Variants in MICAL3 observed in about 807,000 individuals in gnomAD.
MICAL3 encodes microtubule associated monooxygenase, calponin and LIM domain containing 3, also known as [F-actin]-monooxygenase MICAL3.
MICAL3 carries 62 observed loss-of-function variants against 207.4 expected under a neutral mutation model. That is an observed-to-expected ratio of 0.30 (90% CI 0.24 to 0.37). MICAL3 has a LOEUF of 0.37. MICAL3 is among the 10% of genes least tolerant of loss of function. The pLI, the probability that MICAL3 is intolerant of heterozygous loss-of-function variation, is 1.00. For synonymous variants in MICAL3, 1,077 were observed against 1,069.3 expected, an observed-to-expected ratio of 1.01 and a Z score of -0.14; for missense variants, 2,368 against 2,635.6, an observed-to-expected ratio of 0.90 and a Z score of 2.22.
At chr22:17,845,474 A>C (rs917699278) in intron 19 of MICAL3, among the ~76,000 whole-genome samples, 1 of 152,208 alleles carries the variant, frequency 6.6e-6, no homozygotes, top group Non-Finnish European at 1.5e-5. Flanking sequence ...CGACGTGTCA[A>C]GTACCATGAG....
chr22:17,818,556 C>T lies in MICAL3; in HGVS notation c.4105G>A (p.Glu1369Lys), dbSNP rs766633179. The T allele has an allele frequency of 3.2e-5, 52 of 1,613,458 alleles. No homozygotes were observed. Among genetic ancestry groups the T allele is most frequent in the Non-Finnish European group, 4.4e-5 (52 of 1,179,884 alleles). The change falls in exon 26 of 32, where the codon GAA becomes AAA. Residue 1369 changes from glutamate to lysine, a missense_variant. By Grantham distance (56) the Glu-to-Lys change is moderately conservative. Coordinates refer to ENST00000441493, the MANE Select transcript of MICAL3 (RefSeq NM_015241.3). ...AGTCCCTCATCCTGGGGGGACTTTT[C>T]AACGGAATAGGATTTGAGGGACACT... is the stretch of plus-strand genomic sequence containing the variant. Reference protein sequence around the residue: ...RPVSLKSYSVEKSPQDEGLHL... With the variant: ...RPVSLKSYSVKKSPQDEGLHL...
In MICAL3 at chr22:17,790,883, T is replaced by C; in HGVS notation, c.5858A>G (p.Glu1953Gly). The change falls in exon 32 of 32, where the codon GAG becomes GGG. Residue 1953 changes from glutamate to glycine, a missense_variant. By Grantham distance (98) the Glu-to-Gly change is moderately conservative. Transcript: ENST00000441493. ...CAGCATCTCATTGAGAATCTGCTTC[T>C]CTTCTGACAGCTCCTCCTCAGTCTT... ...HLKTEEELSE[E>G]KQILNEMLEV... is the part of the protein sequence containing the mutation. 6.2e-7 allele frequency: 1 copy of C among 1,613,894 alleles called. No homozygotes were observed. Among genetic ancestry groups the C allele is most frequent in the Non-Finnish European group, 8.5e-7 (1 of 1,179,906 alleles).
chr22:17,868,638 T>C (rs892538011), intron 17 of MICAL3, among the ~76,000 whole-genome samples: 10 of 152,060 alleles, frequency 6.6e-5, no homozygotes, highest in African/African-American at 2.2e-4. Context: ...GGTGATTCAG[T>C]CAAGTGACTG....
intron 19 of MICAL3, 33 bp downstream of exon 19, chr22:17,864,866 G>A (rs776653994): frequency 5.0e-6 from 8 of 1,613,864 alleles, no homozygotes; most frequent in African/African-American, 4.0e-5. Flanking sequence ...AGGGAGTGAC[G>A]CGCCACCCAG....
chr22:17,815,438 C>A (rs1011790118), intron 27 of MICAL3: 1 of 152,252 alleles, frequency 6.6e-6, no homozygotes, highest in Non-Finnish European at 1.5e-5. Context: ...TCTTTGCTGA[C>A]CCCCTAAAGC....
chr22:17,821,639 C>T, intron 24 of MICAL3, 130 bp from the exon 25 acceptor site: 1 of 746,384 alleles, frequency 1.3e-6, no homozygotes, highest in Non-Finnish European at 2.2e-6. Context: ...TCCCAGTTCT[C>T]CTGGAAAGCA....
At chr22:17,872,923 G>A (rs1427949083) in intron 16 of MICAL3, 1 of 1,015,716 alleles carries the variant, frequency 9.8e-7, no homozygotes, top group Non-Finnish European at 1.5e-6. Context: ...CATAAATTAA[G>A]AAGACACGGG....
intron 1 of MICAL3, among the ~76,000 whole-genome samples, chr22:17,943,622 C>G (rs2146341969): frequency 6.6e-6 from 1 of 152,380 alleles, no homozygotes; most frequent in South Asian, 2.1e-4. Flanking sequence ...ATGAATAGAT[C>G]AGGCGATGTG....
chr22:17,897,422 CAAAAAAAAAAAAAA>C (rs71754131), intron 7 of MICAL3, among the ~76,000 whole-genome samples: 1 of 41,798 alleles, frequency 2.4e-5, no homozygotes, highest in African/African-American at 8.6e-5. Flanking sequence ...GACTCCAACT[CAAAAAAAAAAAAAA>C]AAAAAAAAAG....
rs55999508 is a variant in MICAL3, at chr22:17,886,988, C to CAAAAA, written c.2067+177_2067+181dup. On this transcript the variant is annotated intron_variant, in intron 15 of 31. Coordinates refer to ENST00000441493, the MANE Select transcript of MICAL3 (RefSeq NM_015241.3). ...GGGCAATGGAGAAAGACTCTTGTCT[C>CAAAAA]AAAAAAAAAAAAAAAAAAAAAAAAA... Among the ~76,000 whole-genome samples, 14 of 41,346 alleles carry CAAAAA rather than the reference C, an allele frequency of 3.4e-4. 1 individual carries two copies. Among genetic ancestry groups the CAAAAA allele is most frequent in the South Asian group, 1.3e-3 (1 of 770 alleles). The allele number at this position is 41,346 out of a possible 152,430, so 27.1% of individuals were successfully genotyped here.
rs758555903 is a variant in MICAL3 at position 17,841,796 on chromosome 22, G to A, written c.2801+26C>T. 5.1e-4 allele frequency: 787 copies of A among 1,539,778 alleles called. 2 individuals carry two copies. The highest frequency in any genetic ancestry group is 6.3e-4 in the Non-Finnish European group (718 of 1,143,946). On this transcript the variant is annotated intron_variant, in intron 20 of 31. Transcript: ENST00000441493. This position sits in a 1 kb window ranked among gnomAD's most constrained non-coding sequence, Gnocchi z 4.2. ...GGCTCTTAGGGCCGTGTGGCGGGTG[G>A]GCGCCCTGCAGCCCTGCGTGCTGAC...
chr22:17,899,922 C>T (rs1931181307), intron 6 of MICAL3, among the ~76,000 whole-genome samples: 1 of 152,124 alleles, frequency 6.6e-6, no homozygotes, highest in African/African-American at 2.4e-5. Flanking sequence ...CTCCTAGATT[C>T]TTAAGAACAG....
intron 17 of MICAL3, among the ~76,000 whole-genome samples, chr22:17,866,487 C>T (rs187115666): frequency 2.0e-4 from 30 of 152,302 alleles, no homozygotes; most frequent in African/African-American, 6.7e-4. Flanking sequence ...CTCCCCCTCC[C>T]GCACCCTATC....
chr22:17,877,027 T>G (rs62643860), intron 16 of MICAL3, among the ~76,000 whole-genome samples: 199 of 12,210 alleles, frequency 0.016, 2 homozygotes, highest in East Asian at 0.038. Flanking sequence ...ATGGAGGTTA[T>G]GGAGGTTAGG....
intron 1 of MICAL3, among the ~76,000 whole-genome samples, chr22:17,916,071 A>C (rs1215661154): frequency 6.6e-6 from 1 of 150,694 alleles, no homozygotes; most frequent in Admixed American, 6.6e-5. Context: ...AAAAAAAAAA[A>C]AAAAAAAAAC....
intron 20 of MICAL3, chr22:17,839,765 A>ACC (rs1371478691): frequency 6.6e-6 from 1 of 151,046 alleles, no homozygotes; most frequent in East Asian, 1.9e-4. Flanking sequence ...ATGGGGTTTC[A>ACC]CCATGTTGGC....
At chr22:17,979,795 A>C (rs200915991) in intron 1 of MICAL3, among the ~76,000 whole-genome samples, 3 of 141,838 alleles carry the variant, frequency 2.1e-5, no homozygotes, top group Non-Finnish European at 3.1e-5. Flanking sequence ...AAAAAAAAAC[A>C]AAAAAAAAAC....
intron 1 of MICAL3, among the ~76,000 whole-genome samples, chr22:17,988,829 A>G (rs1921331743): frequency 6.6e-6 from 1 of 152,220 alleles, no homozygotes; most frequent in Non-Finnish European, 1.5e-5. Flanking sequence ...AAAATGACAT[A>G]AAATTTAAGT....
intron 1 of MICAL3, among the ~76,000 whole-genome samples, chr22:17,975,145 A>G (rs1342743863): frequency 6.6e-6 from 1 of 152,232 alleles, no homozygotes; most frequent in East Asian, 1.9e-4. Context: ...CCTTGTGATC[A>G]CAAACCCACA....
Sources: allele counts gnomAD v4.1 joint callset (sites outside exome capture counted in the v4.1 genomes callset), GRCh38; gene constraint gnomAD v4.1.1; non-coding constraint Gnocchi (gnomAD v3.1); transcripts MANE v1.5; gene names NCBI Gene and HGNC (gene_info 2026-07-23, HGNC 2026-07-21).